Variants in HS3ST4 observed in about 807,000 individuals in gnomAD.
HS3ST4 encodes heparan sulfate glucosamine 3-O-sulfotransferase 4.
In HS3ST4, 17 loss-of-function variants were observed where a neutral mutation model predicts 29.2. The ratio of observed to expected loss-of-function variants is 0.58; its 90% CI spans 0.40 to 0.87. The LOEUF is 0.87. HS3ST4 is among the 40% of genes least tolerant of loss of function. HS3ST4 has a pLI of 0.00. For synonymous variants in HS3ST4, 314 were observed against 285.7 expected (o/e 1.10, Z -1.00); for missense variants, 627 against 634.5 (o/e 0.99, Z 0.13).
At chr16:26,028,711 T>G (rs1969502317) in intron 1 of HS3ST4, among the ~76,000 whole-genome samples, 1 of 152,042 alleles carries the variant, frequency 6.6e-6, no homozygotes, top group Non-Finnish European at 1.5e-5. Context: ...GTGCACTTCT[T>G]CTCTAGGTGT....
chr16:25,895,083 C>T (rs1447032041), intron 1 of HS3ST4, among the ~76,000 whole-genome samples: 1 of 151,876 alleles, frequency 6.6e-6, no homozygotes, highest in Non-Finnish European at 1.5e-5. Flanking sequence ...TTAGTGGGGT[C>T]CCTCTAGGAA....
intron 1 of HS3ST4, among the ~76,000 whole-genome samples, chr16:25,761,627 A>G (rs781336849): frequency 5.7e-4 from 87 of 152,212 alleles, no homozygotes; most frequent in Non-Finnish European, 1.8e-4. Flanking sequence ...TGGGAACCAG[A>G]TCTTGAGAGT....
intron 1 of HS3ST4, among the ~76,000 whole-genome samples, chr16:25,862,968 T>C (rs1182525666): frequency 1.3e-5 from 2 of 152,210 alleles, no homozygotes; most frequent in Non-Finnish European, 2.9e-5. Flanking sequence ...CTTTGTCAAA[T>C]ATGTGTAGTG....
chr16:25,900,213 C>T (rs915664174), intron 1 of HS3ST4, among the ~76,000 whole-genome samples: 7 of 152,042 alleles, frequency 4.6e-5, no homozygotes, highest in African/African-American at 1.7e-4. Flanking sequence ...ACCTACAAAA[C>T]AGCTTATATT....
intron 1 of HS3ST4, among the ~76,000 whole-genome samples, chr16:25,861,162 T>C (rs28370986): frequency 0.011 from 1,653 of 152,298 alleles, 23 homozygotes; most frequent in African/African-American, 0.037. Flanking sequence ...AGAGACTGAT[T>C]TGAACAGAGG....
At chr16:25,698,561 T>C (rs780264509) in intron 1 of HS3ST4, among the ~76,000 whole-genome samples, 3 of 152,210 alleles carry the variant, frequency 2.0e-5, no homozygotes, top group Non-Finnish European at 2.9e-5. Flanking sequence ...TTGCTTCCTT[T>C]TAGATTGTTG....
At chr16:26,093,022 C>A (rs1181385605) in intron 1 of HS3ST4, among the ~76,000 whole-genome samples, 1 of 152,214 alleles carries the variant, frequency 6.6e-6, no homozygotes, top group African/African-American at 2.4e-5. Flanking sequence ...TGTGAGGCGG[C>A]AGCCTGGCCG....
chr16:25,985,700 A>G (rs1969055025), intron 1 of HS3ST4, among the ~76,000 whole-genome samples: 1 of 150,160 alleles, frequency 6.7e-6, no homozygotes, highest in African/African-American at 2.5e-5. Flanking sequence ...TTATTTATTT[A>G]TTTTTAGCGA....
chr16:25,933,863 A>C (rs1351495309), intron 1 of HS3ST4, among the ~76,000 whole-genome samples: 1 of 152,142 alleles, frequency 6.6e-6, no homozygotes, highest in Non-Finnish European at 1.5e-5. Context: ...GAACCCACTC[A>C]TTACCACAAA....
intron 1 of HS3ST4, among the ~76,000 whole-genome samples, chr16:25,792,252 T>C (rs1021172377): frequency 2.6e-5 from 4 of 151,952 alleles, no homozygotes; most frequent in East Asian, 3.8e-4. Flanking sequence ...TAATCTGTAG[T>C]GTTTCTTTCT....
rs557598314 is a variant in HS3ST4, at chr16:25,726,512, A to G, written c.734+33361A>G. Among the ~76,000 whole-genome samples, 19 of 152,310 alleles carry G rather than the reference A, an allele frequency of 1.2e-4. No homozygotes were observed. The South Asian group carries it at 3.7e-3, about 30-fold the overall frequency. ...TCTTTGAATAAATTTCTGGGCATTT[A>G]TCACTGGGTTAAAGGGTGAGCAGTC... is the stretch of plus-strand genomic sequence containing the variant. On this transcript the variant is annotated intron_variant, in intron 1 of 1. Transcript: ENST00000331351.
intron 1 of HS3ST4, among the ~76,000 whole-genome samples, chr16:25,697,668 G>C (rs1428025874): frequency 6.6e-6 from 1 of 152,194 alleles, no homozygotes; most frequent in Non-Finnish European, 1.5e-5. Context: ...CAGCCAGTCT[G>C]AAGAGGAGCC....
intron 1 of HS3ST4, among the ~76,000 whole-genome samples, chr16:25,826,686 T>G (rs913825627): frequency 6.6e-6 from 1 of 152,064 alleles, no homozygotes; most frequent in African/African-American, 2.4e-5. Context: ...AGTGACAAAA[T>G]GTCTTGGTGA....
intron 1 of HS3ST4, among the ~76,000 whole-genome samples, chr16:26,115,760 C>A (rs1252458721): frequency 6.6e-6 from 1 of 151,950 alleles, no homozygotes; most frequent in Non-Finnish European, 1.5e-5. Flanking sequence ...ATAGACTTGG[C>A]AGAGTAAGTC....
intron 1 of HS3ST4, among the ~76,000 whole-genome samples, chr16:26,061,793 C>T (rs920356819): frequency 2.0e-5 from 3 of 152,196 alleles, no homozygotes; most frequent in East Asian, 3.9e-4. Context: ...ACTTCATTCT[C>T]CAACCAAATA....
chr16:26,009,671 G>T (rs1439761357), intron 1 of HS3ST4, among the ~76,000 whole-genome samples: 2 of 152,208 alleles, frequency 1.3e-5, no homozygotes, highest in African/African-American at 2.4e-5. Flanking sequence ...AAAACGGCCA[G>T]TTGTACACAA....
intron 1 of HS3ST4, among the ~76,000 whole-genome samples, chr16:26,004,233 G>T (rs1262304940): frequency 6.6e-6 from 1 of 152,164 alleles, no homozygotes; most frequent in African/African-American, 2.4e-5. Context: ...GCAGTAAGGG[G>T]TGTTGGATAA....
At chr16:25,901,405 T>A (rs1968118339) in intron 1 of HS3ST4, among the ~76,000 whole-genome samples, 1 of 152,212 alleles carries the variant, frequency 6.6e-6, no homozygotes, top group Non-Finnish European at 1.5e-5. Flanking sequence ...GAGTGGTGGC[T>A]TACGCCTATA....
At chr16:25,976,315 T>G (rs1035066838) in intron 1 of HS3ST4, among the ~76,000 whole-genome samples, 3 of 152,098 alleles carry the variant, frequency 2.0e-5, no homozygotes, top group Non-Finnish European at 2.9e-5. Flanking sequence ...TTATTTCTTT[T>G]CTTTTTTTGA....
Sources: allele counts gnomAD v4.1 joint callset (sites outside exome capture counted in the v4.1 genomes callset), GRCh38; gene constraint gnomAD v4.1.1; transcripts MANE v1.5; gene names NCBI Gene and HGNC (gene_info 2026-07-23, HGNC 2026-07-21).